The following GRAMD1B variants were observed in gnomAD, a reference collection of about 807,000 sequenced individuals.
The protein encoded by GRAMD1B is GRAM domain containing 1B.
GRAMD1B carries 37 observed loss-of-function variants against 99.7 expected under a neutral mutation model. The ratio of observed to expected loss-of-function variants is 0.37; its 90% confidence interval spans 0.29 to 0.49. The LOEUF (loss-of-function observed/expected upper bound fraction) is 0.49, where lower values mean the gene tolerates loss of function less well. Among genes scored for constraint, GRAMD1B ranks in the 20% least tolerant of loss-of-function variants. The pLI is 0.98. For missense variants in GRAMD1B, 888 were observed against 1,009.2 expected, an observed-to-expected ratio of 0.88 and a Z score of 1.63; for synonymous variants, 427 against 387.6, an observed-to-expected ratio of 1.10 and a Z score of -1.19.
At chr11:123,598,684 A>G in intron 7 of GRAMD1B, 1 of 1,037,516 alleles carries the variant, frequency 9.6e-7, no homozygotes, top group Non-Finnish European at 1.5e-6. Context: ...AAACCCAGAG[A>G]GGCCAACTCC....
intron 2 of GRAMD1B, among the ~76,000 whole-genome samples, chr11:123,512,252 T>G (rs1941100049): frequency 6.6e-6 from 1 of 152,238 alleles, no homozygotes; most frequent in African/African-American, 2.4e-5. Flanking sequence ...GCTGTCTGTC[T>G]TCACCAGGGC....
intron 1 of GRAMD1B, among the ~76,000 whole-genome samples, chr11:123,421,601 A>G (rs935378178): frequency 6.6e-6 from 1 of 152,224 alleles, no homozygotes; most frequent in Non-Finnish European, 1.5e-5. Context: ...TTCTTCTTCC[A>G]GGCTATAATT....
intron 4 of GRAMD1B, among the ~76,000 whole-genome samples, chr11:123,586,089 CT>C (rs1199543835): frequency 2.0e-5 from 3 of 151,898 alleles, no homozygotes; most frequent in Non-Finnish European, 4.4e-5. Flanking sequence ...TCCTTTCCCC[CT>C]GTTTCCTTCT....
At chr11:123,491,473 C>T (rs1221824506) in intron 2 of GRAMD1B, among the ~76,000 whole-genome samples, 1 of 152,044 alleles carries the variant, frequency 6.6e-6, no homozygotes, top group Non-Finnish European at 1.5e-5. Flanking sequence ...CCTCCCCTTC[C>T]CCCAGCACCA....
intron 5 of GRAMD1B, 50 bp downstream of exon 5, chr11:123,594,216 C>A: frequency 8.0e-7 from 1 of 1,249,172 alleles, no homozygotes; most frequent in South Asian, 1.2e-5. Flanking sequence ...GGGGAGCCCC[C>A]GGCATAGCAC....
rs1056879329 is a variant in GRAMD1B at position 123,430,618 on chromosome 11, G to C, written c.-175G>C. 6.5e-5 allele frequency: 31 copies of C among 478,926 alleles called. No homozygotes were observed. In the South Asian group the frequency reaches 1.0e-3, roughly 16 times the overall value. The allele number at this position is 478,926 out of a possible 1,614,324, so 29.7% of individuals were successfully genotyped here. ...AAAGTTAGACTCCGGGCGGCGGCGC[G>C]CTACGCCGCGTCCCCTCGCGTCCCT... On this transcript the variant is annotated 5_prime_UTR_variant, in exon 1 of 20. Transcript: ENST00000635736.
intron 2 of GRAMD1B, among the ~76,000 whole-genome samples, chr11:123,573,725 G>A (rs1948412576): frequency 6.6e-6 from 1 of 152,188 alleles, no homozygotes; most frequent in Admixed American, 6.5e-5. Flanking sequence ...TATTTAATAA[G>A]TACTCGGTGC....
At chr11:123,612,440 C>T (rs186336917) in intron 14 of GRAMD1B, among the ~76,000 whole-genome samples, 1 of 152,200 alleles carries the variant, frequency 6.6e-6, no homozygotes, top group Non-Finnish European at 1.5e-5. Flanking sequence ...CCTTGCCTGG[C>T]AGGCAGGCTG....
At chr11:123,542,946 G>A (rs554835235) in intron 2 of GRAMD1B, among the ~76,000 whole-genome samples, 20 of 151,512 alleles carry the variant, frequency 1.3e-4, no homozygotes, top group African/African-American at 3.4e-4. Flanking sequence ...GAGCCACTGC[G>A]CCCAGCCTGG....
At chr11:123,609,481 T>TA (rs1953231714) in intron 12 of GRAMD1B, among the ~76,000 whole-genome samples, 1 of 152,174 alleles carries the variant, frequency 6.6e-6, no homozygotes. Context: ...CAAGGGACCC[T>TA]AGGCCCTCGC....
chr11:123,402,629 C>T (rs1257848583), intron 1 of GRAMD1B, among the ~76,000 whole-genome samples: 1 of 152,190 alleles, frequency 6.6e-6, no homozygotes, highest in Admixed American at 6.5e-5. Flanking sequence ...CCAGGTCTAC[C>T]TGGTTCTGCA....
chr11:123,612,097 T>C (rs1397225729), intron 14 of GRAMD1B, among the ~76,000 whole-genome samples: 1 of 151,806 alleles, frequency 6.6e-6, no homozygotes, highest in Admixed American at 6.6e-5. Flanking sequence ...TATTCTTTTT[T>C]TTTTTCTGAG....
At chr11:123,477,140 T>G (rs1353604852) in intron 1 of GRAMD1B, among the ~76,000 whole-genome samples, 1 of 152,010 alleles carries the variant, frequency 6.6e-6, no homozygotes, top group Admixed American at 6.6e-5. Context: ...ACTTCACATT[T>G]CTTTCTCTTT....
intron 1 of GRAMD1B, among the ~76,000 whole-genome samples, chr11:123,399,613 T>C (rs2135907509): frequency 6.6e-6 from 1 of 151,980 alleles, no homozygotes; most frequent in East Asian, 1.9e-4. Context: ...CTTTTGTATT[T>C]ATTTATTTAT....
intron 2 of GRAMD1B, among the ~76,000 whole-genome samples, chr11:123,553,523 A>G (rs777287034): frequency 3.3e-5 from 5 of 152,226 alleles, no homozygotes; most frequent in African/African-American, 9.6e-5. Context: ...TGTTGGAGCC[A>G]TCTGAATCCT....
In GRAMD1B at chr11:123,385,268, C is replaced by T. The variant is rs1450396111; in HGVS notation, c.-176+26469C>T. On this transcript the variant is annotated intron_variant, in intron 1 of 20. Transcript: ENST00000638157. ...CATTTTGTCTCTGCAGTTTTCCTTA[C>T]TCAGACCTTGCTGAGCTCAAGCTCT... 2.0e-5 allele frequency among the ~76,000 whole-genome samples: 3 copies of T among 152,202 alleles called. No homozygotes were observed. In the East Asian group the frequency reaches 5.8e-4, roughly 29 times the overall value.
At chr11:123,572,068 C>A (rs1948163941) in intron 2 of GRAMD1B, among the ~76,000 whole-genome samples, 1 of 152,184 alleles carries the variant, frequency 6.6e-6, no homozygotes, top group African/African-American at 2.4e-5. Flanking sequence ...AACTTGAATG[C>A]CTCACATATG....
At chr11:123,402,174 C>A (rs1392610752) in intron 1 of GRAMD1B, among the ~76,000 whole-genome samples, 1 of 152,148 alleles carries the variant, frequency 6.6e-6, no homozygotes, top group Non-Finnish European at 1.5e-5. Context: ...TGCCACCACA[C>A]CCAGCTAATT....
chr11:123,524,159 C>T (rs1260375888), intron 2 of GRAMD1B, among the ~76,000 whole-genome samples: 3 of 152,098 alleles, frequency 2.0e-5, no homozygotes, highest in African/African-American at 7.2e-5. Flanking sequence ...TAGTACCCTA[C>T]AATCCCCAAG....
Sources: gnomAD v4.1 joint callset for allele counts (sites outside exome capture counted in the v4.1 genomes callset) on GRCh38, gnomAD v4.1.1 for gene constraint, MANE v1.5 for transcripts, NCBI Gene and HGNC (gene_info 2026-07-23, HGNC 2026-07-21) for gene names.